DAB1: variants seen among roughly 807,000 people sequenced by gnomAD.
The protein encoded by DAB1 is DAB adaptor protein 1.
A neutral mutation model predicts 64.6 loss-of-function variants in DAB1; 15 were observed. The ratio of observed to expected loss-of-function variants is 0.23; its 90% CI spans 0.16 to 0.36. The LOEUF (loss-of-function observed/expected upper bound fraction) is 0.36. Among genes scored for constraint, DAB1 ranks in the 10% least tolerant of loss-of-function variants. The pLI is 1.00. For missense variants in DAB1, 596 were observed against 706.7 expected, an observed-to-expected ratio of 0.84 and a Z score of 1.78; for synonymous variants, 235 against 251.9, an observed-to-expected ratio of 0.93 and a Z score of 0.64.
chr1:58,313,907 C>T (rs567333897), intron 4 of DAB1, among the ~76,000 whole-genome samples: 2 of 151,302 alleles, frequency 1.3e-5, no homozygotes, highest in Non-Finnish European at 2.9e-5. Flanking sequence ...CTACTCACCT[C>T]CATCCCAAGT....
At chr1:57,320,608 A>G (rs1023600314) in intron 1 of DAB1, among the ~76,000 whole-genome samples, 2 of 152,164 alleles carry the variant, frequency 1.3e-5, no homozygotes, top group Non-Finnish European at 2.9e-5. Context: ...TCTATAGATC[A>G]TGTTCACACA....
chr1:58,243,413 G>A (rs1218377781), intron 4 of DAB1, among the ~76,000 whole-genome samples: 3 of 152,028 alleles, frequency 2.0e-5, no homozygotes, highest in Non-Finnish European at 2.9e-5. Context: ...ATTTAAGTCC[G>A]CCTGCCCCTT....
rs537022146 is a variant in DAB1 at position 58,460,659 on chromosome 1, C to T, written n.257+45401G>A. On this transcript the variant is annotated intron_variant and non_coding_transcript_variant, in intron 3 of 20. Transcript: ENST00000485760. ...CTATTGGAAAGAGGGTCCCTTCCCA[C>T]GCATGTGTGTAGCTGTCCGTAGTCC... is the stretch of plus-strand genomic sequence containing the variant. Among the ~76,000 whole-genome samples, 118 of 152,220 alleles carry T rather than the reference C, an allele frequency of 7.8e-4. No individual in the cohort carries two copies. The Middle Eastern group carries it at 0.01, about 13-fold the overall frequency.
intron 5 of DAB1, among the ~76,000 whole-genome samples, chr1:58,073,782 C>T (rs1460725164): frequency 6.6e-6 from 1 of 152,186 alleles, no homozygotes; most frequent in Non-Finnish European, 1.5e-5. Flanking sequence ...CAATCCTTTA[C>T]ACTAGCCAGA....
In DAB1 at chr1:56,997,253, G is replaced by C. The variant is rs574989382; in HGVS notation, c.*891C>G. 6.6e-6 allele frequency: 1 copy of C among 152,282 alleles called. No homozygotes were observed. Among genetic ancestry groups the C allele is most frequent in the East Asian group, 1.9e-4 (1 of 5,180 alleles). The allele number at this position is 152,282 out of a possible 1,614,324, so 9.4% of individuals were successfully genotyped here. On this transcript the variant is annotated 3_prime_UTR_variant, in exon 15 of 15. Transcript: ENST00000371236. ...AAAATATCATTTTATTGTACTTAGA[G>C]TTTAGAGCTTCTTAAGAAATCAGAT...
At chr1:57,226,852 C>T (rs1177990871) in intron 2 of DAB1, among the ~76,000 whole-genome samples, 5 of 151,580 alleles carry the variant, frequency 3.3e-5, no homozygotes, top group African/African-American at 4.9e-5. Flanking sequence ...AAATTATCAC[C>T]CATCCTGCCA....
chr1:57,367,266 C>A (rs144598422), intron 1 of DAB1, among the ~76,000 whole-genome samples: 3 of 151,842 alleles, frequency 2.0e-5, no homozygotes, highest in African/African-American at 4.8e-5. Flanking sequence ...AAGAGCATGA[C>A]CCTGTCTCAA....
chr1:58,131,795 T>G (rs1328453948), intron 5 of DAB1, among the ~76,000 whole-genome samples: 1 of 149,630 alleles, frequency 6.7e-6, no homozygotes, highest in Non-Finnish European at 1.5e-5. Context: ...GGGACCCACT[T>G]GAGGAGGCAG....
chr1:58,198,175 C>T (rs966878905), intron 4 of DAB1, among the ~76,000 whole-genome samples: 11 of 152,190 alleles, frequency 7.2e-5, no homozygotes, highest in South Asian at 2.1e-4. Context: ...AGAGCTGTCC[C>T]AGCATCATAG....
Position 57,951,317 on chromosome 1 carries a change from C to CATATATATATAT in DAB1, n.388-67167_388-67156dup, listed in dbSNP as rs150140800. On this transcript the variant is annotated intron_variant and non_coding_transcript_variant, in intron 5 of 20. Transcript: ENST00000485760. ...CAGATCCGGGAAGAGGAGCCTGATT[C>CATATATATATAT]ATATATATATATATACTTCCCTGGA... Among the ~76,000 whole-genome samples, 38 of 69,876 alleles carry CATATATATATAT rather than the reference C, an allele frequency of 5.4e-4. 3 individuals carry two copies. The South Asian group carries it at 5.6e-3, about 10-fold the overall frequency. The allele number at this position is 69,876 out of a possible 152,430, so 45.8% of individuals were successfully genotyped here.
At chr1:58,169,378 C>G (rs1436282475) in intron 4 of DAB1, among the ~76,000 whole-genome samples, 1 of 152,072 alleles carries the variant, frequency 6.6e-6, no homozygotes, top group Admixed American at 6.5e-5. Flanking sequence ...ACAAACAAAC[C>G]AAAACCACGT....
In DAB1 at chr1:57,491,292, G is replaced by A. The variant is rs1644160646; in HGVS notation, n.625+158300C>T. Among the ~76,000 whole-genome samples the A allele has an allele frequency of 2.6e-5, 4 of 152,064 alleles. No homozygotes were observed. In the Admixed American group the frequency reaches 2.6e-4, roughly 10 times the overall value. ...AAATACAAAAAATTAGCCAGGCGTGGTGGCAGGCGCCTGTAGTCCCAGCGA... is the reference window on the plus strand; with the variant it reads ...AAATACAAAAAATTAGCCAGGCGTGATGGCAGGCGCCTGTAGTCCCAGCGA... On this transcript the variant is annotated intron_variant and non_coding_transcript_variant, in intron 7 of 20. Transcript: ENST00000485760.
intron 6 of DAB1, among the ~76,000 whole-genome samples, chr1:57,773,497 A>T (rs1469807777): frequency 6.6e-6 from 1 of 151,962 alleles, no homozygotes; most frequent in Non-Finnish European, 1.5e-5. Flanking sequence ...TCAAGAACAA[A>T]AGTTTTTAAT....
At chr1:58,350,244 T>C (rs1437576236) in intron 3 of DAB1, among the ~76,000 whole-genome samples, 3 of 152,248 alleles carry the variant, frequency 2.0e-5, no homozygotes, top group African/African-American at 7.2e-5. Context: ...GTTGGCTGCA[T>C]AAATGTCCTC....
intron 6 of DAB1, among the ~76,000 whole-genome samples, chr1:57,786,940 G>A (rs1392105951): frequency 6.6e-6 from 1 of 151,806 alleles, no homozygotes; most frequent in Non-Finnish European, 1.5e-5. Flanking sequence ...AAAATGAAAT[G>A]GGCATAAATC....
At chr1:57,343,006 CTGGCTCGGG>C (rs1677746908) in intron 1 of DAB1, among the ~76,000 whole-genome samples, 2 of 37,926 alleles carry the variant, frequency 5.3e-5, no homozygotes, top group Admixed American at 4.5e-4. Context: ...GTTGCCACTG[CTGGCTCGGG>C]CAGCCTGCTT....
At chr1:58,382,644 GA>G (rs1644399447) in intron 3 of DAB1, among the ~76,000 whole-genome samples, 1 of 152,200 alleles carries the variant, frequency 6.6e-6, no homozygotes. Context: ...GGGAAATCTT[GA>G]AAGCTTTTAA....
chr1:58,046,109 T>C (rs1231201710), intron 5 of DAB1, among the ~76,000 whole-genome samples: 1 of 152,162 alleles, frequency 6.6e-6, no homozygotes, highest in African/African-American at 2.4e-5. Flanking sequence ...AGCAAGGCTT[T>C]ATTGAGTTAA....
intron 2 of DAB1, among the ~76,000 whole-genome samples, chr1:57,201,250 T>C (rs564606685): frequency 4.0e-5 from 6 of 151,804 alleles, no homozygotes; most frequent in Admixed American, 6.5e-5. Flanking sequence ...CATTCATTCA[T>C]TGGTATAACA....
Sources: gnomAD v4.1 joint callset for allele counts (sites outside exome capture counted in the v4.1 genomes callset) on GRCh38, gnomAD v4.1.1 for gene constraint, MANE v1.5 for transcripts, NCBI Gene and HGNC (gene_info 2026-07-23, HGNC 2026-07-21) for gene names.